Variants in BTC observed in about 807,000 individuals in gnomAD.
BTC encodes the protein probetacellulin.
BTC carries 13 observed loss-of-function variants against 18.1 expected under a neutral mutation model. That is an observed-to-expected ratio of 0.72 (90% CI 0.47 to 1.14). The LOEUF (loss-of-function observed/expected upper bound fraction) is 1.14. BTC is among the 50% of genes most tolerant of loss of function. BTC has a pLI of 0.00. For synonymous variants in BTC, 83 were observed against 79.4 expected (o/e 1.05, Z -0.24); for missense variants, 247 against 224.2 (o/e 1.10, Z -0.65).
chr4:74,782,780 A>C lies in BTC; in HGVS notation c.64+11482T>G, dbSNP rs115937752. On this transcript the variant is annotated intron_variant, in intron 1 of 5. Transcript: ENST00000395743. The stretch of plus-strand genomic sequence containing the variant: ...AGCATCTGTAGTTTTTTGACTTCTT[A>C]ATAATAGCCAATCTGACTGGTGTGA... Among the ~76,000 whole-genome samples, 601 of 152,162 alleles carry C rather than the reference A, an allele frequency of 3.9e-3. 6 individuals carry two copies. The highest frequency in any genetic ancestry group is 0.014 in the African/African-American group (571 of 41,508).
intron 1 of BTC, among the ~76,000 whole-genome samples, chr4:74,781,384 CGTGT>C (rs139134613): frequency 0.058 from 7,278 of 126,418 alleles, 241 homozygotes; most frequent in Non-Finnish European, 0.079. Flanking sequence ...TCTCTCGTCA[CGTGT>C]GTGTGTGTGT....
intron 3 of BTC, among the ~76,000 whole-genome samples, chr4:74,751,204 A>G (rs1414658811): frequency 6.6e-6 from 1 of 152,204 alleles, no homozygotes; most frequent in Non-Finnish European, 1.5e-5. Flanking sequence ...TCATAACACA[A>G]TGTTCCATAA....
intron 5 of BTC, among the ~76,000 whole-genome samples, chr4:74,747,196 G>A (rs970222540): frequency 2.0e-5 from 3 of 152,262 alleles, no homozygotes; most frequent in South Asian, 2.1e-4. Context: ...CTAGTTACGC[G>A]TCATGTGCCT....
chr4:74,768,608 G>A (rs1309670965), intron 2 of BTC, among the ~76,000 whole-genome samples: 1 of 152,092 alleles, frequency 6.6e-6, no homozygotes, highest in Non-Finnish European at 1.5e-5. Flanking sequence ...GGCTTGGGGA[G>A]TTGCTATTCA....
chr4:74,784,008 G>A lies in BTC; in HGVS notation c.64+10254C>T, dbSNP rs1234558785. 5.3e-5 allele frequency among the ~76,000 whole-genome samples: 8 copies of A among 152,052 alleles called. No homozygotes were observed. In the South Asian group the frequency reaches 6.2e-4, roughly 12 times the overall value. On this transcript the variant is annotated intron_variant, in intron 1 of 5. Transcript: ENST00000395743. ...TGCACTTTGGGAGGCCGAGGCAGAT[G>A]GATCACTTGAGGTCAGGAGTTCGAG... is the stretch of plus-strand genomic sequence containing the variant.
chr4:74,790,998 T>C (rs1725608984), intron 1 of BTC, among the ~76,000 whole-genome samples: 1 of 152,222 alleles, frequency 6.6e-6, no homozygotes, highest in South Asian at 2.1e-4. Flanking sequence ...TGGTTTTTCC[T>C]GTTATATGCA....
chr4:74,770,260 A>C (rs1725004701), intron 1 of BTC, 104 bp from the exon 2 acceptor site: 1 of 901,148 alleles, frequency 1.1e-6, no homozygotes, highest in Admixed American at 2.8e-5. Flanking sequence ...AAATAACAAG[A>C]CTATGGTTTC....
chr4:74,751,536 C>G (rs545924999), intron 3 of BTC, among the ~76,000 whole-genome samples: 7 of 152,308 alleles, frequency 4.6e-5, no homozygotes, highest in Admixed American at 3.9e-4. Context: ...TCAACAGTCT[C>G]TCTTCATTTC....
chr4:74,773,437 TA>T (rs1298467017), intron 1 of BTC, among the ~76,000 whole-genome samples: 1 of 152,084 alleles, frequency 6.6e-6, no homozygotes, highest in Admixed American at 6.6e-5. Flanking sequence ...AACTATCTAC[TA>T]AACAATAAAG....
At chr4:74,789,969 T>A (rs2109922850) in intron 1 of BTC, among the ~76,000 whole-genome samples, 1 of 152,340 alleles carries the variant, frequency 6.6e-6, no homozygotes. Flanking sequence ...GGAAGAAGAA[T>A]CTGTAGAGGC....
chr4:74,770,318 C>T (rs1725006004), intron 1 of BTC, among the ~76,000 whole-genome samples, 162 bp from the exon 2 acceptor site: 1 of 152,216 alleles, frequency 6.6e-6, no homozygotes, highest in Non-Finnish European at 1.5e-5. Context: ...GGCCAGCATG[C>T]TGCACATTTT....
chr4:74,794,447 A>C lies in BTC; in HGVS notation c.-122T>G. 1 of 1,122,604 alleles carries C rather than the reference A, an allele frequency of 8.9e-7. No individual in the cohort carries two copies. Among genetic ancestry groups the C allele is most frequent in the South Asian group, 1.7e-5 (1 of 60,170 alleles). 69.5% of individuals were successfully genotyped at this position (1,122,604 alleles called of 1,614,324 possible). A position where few individuals can be genotyped will look rare whatever the true frequency, so the allele number is the denominator to read the frequency against. On this transcript the variant is annotated 5_prime_UTR_variant, in exon 1 of 6. Transcript: ENST00000395743. ...CTAATCCCGGAGGCAGAAGGAAACG[A>C]AACTACTTCCCAGGCTGGCACCCTG...
At chr4:74,761,168 T>A (rs1724747908) in intron 2 of BTC, among the ~76,000 whole-genome samples, 1 of 152,068 alleles carries the variant, frequency 6.6e-6, no homozygotes, top group Admixed American at 6.5e-5. Flanking sequence ...AGCATGGGTA[T>A]CTTTGCATAT....
intron 2 of BTC, among the ~76,000 whole-genome samples, chr4:74,769,453 A>G (rs1724984355): frequency 6.6e-6 from 1 of 152,130 alleles, no homozygotes; most frequent in South Asian, 2.1e-4. Flanking sequence ...TTCACAGTAC[A>G]GTGGCAGTGT....
At chr4:74,780,782 T>G (rs1206238166) in intron 1 of BTC, among the ~76,000 whole-genome samples, 1 of 152,150 alleles carries the variant, frequency 6.6e-6, no homozygotes, top group Non-Finnish European at 1.5e-5. Context: ...AGTTACTGAA[T>G]TCAATTTTGG....
chr4:74,748,572 C>G (rs782252717), intron 4 of BTC, among the ~76,000 whole-genome samples: 1 of 152,106 alleles, frequency 6.6e-6, no homozygotes, highest in Non-Finnish European at 1.5e-5. Flanking sequence ...TAACCCATCT[C>G]TTTCTCTAGG....
At chr4:74,755,514 T>C (rs10029520) in intron 3 of BTC, among the ~76,000 whole-genome samples, 88,935 of 152,076 alleles carry the variant, frequency 0.58, 26,375 homozygotes, top group East Asian at 0.66. Context: ...ACACTAACTA[T>C]AAACCACCAA....
chr4:74,752,787 C>G (rs1724498893), intron 3 of BTC, among the ~76,000 whole-genome samples: 1 of 152,150 alleles, frequency 6.6e-6, no homozygotes, highest in African/African-American at 2.4e-5. Flanking sequence ...AAATATTCCT[C>G]TAACAAATTT....
At chr4:74,769,958 G>T (rs2109899784) in intron 2 of BTC, 100 bp downstream of exon 2, 1 of 977,920 alleles carries the variant, frequency 1.0e-6, no homozygotes, top group Non-Finnish European at 1.6e-6. Context: ...ACAGTGACTG[G>T]TACCTTAATA....
Sources: gnomAD v4.1 joint callset for allele counts (sites outside exome capture counted in the v4.1 genomes callset) on GRCh38, gnomAD v4.1.1 for gene constraint, MANE v1.5 for transcripts, NCBI Gene and HGNC (gene_info 2026-07-23, HGNC 2026-07-21) for gene names.